The following PLD1 variants were observed in gnomAD, a reference collection of about 807,000 sequenced individuals.
PLD1 encodes choline phosphatase 1.
Under a neutral mutation model 137.1 loss-of-function variants are expected in PLD1, and 112 were observed. The observed-to-expected ratio is 0.82, with a 90% confidence interval of 0.70 to 0.96. The LOEUF (loss-of-function observed/expected upper bound fraction) is 0.96. Among genes scored for constraint, PLD1 ranks in the 40% least tolerant of loss-of-function variants. The probability of loss-of-function intolerance (pLI) is 0.00; values close to 1 mark genes in which losing one functional copy is unlikely to be tolerated. For synonymous variants in PLD1, 431 were observed against 454.7 expected (o/e 0.95, Z 0.66); for missense variants, 1,321 against 1,342.0 (o/e 0.98, Z 0.24).
chr3:171,604,697 G>A (rs1732071856), intron 26 of PLD1, among the ~76,000 whole-genome samples: 1 of 152,106 alleles, frequency 6.6e-6, no homozygotes, highest in Admixed American at 6.6e-5. Flanking sequence ...AAATGGAGCC[G>A]GTTTTAAAAC....
At chr3:171,735,272 C>T (rs1050051656) in intron 4 of PLD1, among the ~76,000 whole-genome samples, 5 of 152,146 alleles carry the variant, frequency 3.3e-5, no homozygotes, top group African/African-American at 1.2e-4. Flanking sequence ...GAACTACTAA[C>T]TATCACCACG....
In PLD1 at chr3:171,688,842, ACGGT is replaced by A; in HGVS notation, c.1369_1372del (p.Thr457SerfsTer43). 1 of 1,613,994 alleles carries A rather than the reference ACGGT, an allele frequency of 6.2e-7. No individual in the cohort carries two copies. The highest frequency in any genetic ancestry group is 1.1e-5 in the South Asian group (1 of 91,070). On this transcript the variant is annotated frameshift_variant, in exon 14 of 27. Coordinates refer to ENST00000351298, the MANE Select transcript of PLD1 (RefSeq NM_002662.5). LOFTEE classifies it high-confidence loss of function. ...CTTCTCATGGTGAGCCCACAAATAG[ACGGT>A]GGATGACACATGATCCGGGTGTCTC... is the stretch of plus-strand genomic sequence containing the variant.
At chr3:171,711,816 C>CT (rs1443965760) in intron 9 of PLD1, among the ~76,000 whole-genome samples, 1 of 68,642 alleles carries the variant, frequency 1.5e-5, no homozygotes, top group East Asian at 3.6e-4. Context: ...GTTATAAATG[C>CT]TAAAAAAAAA....
intron 23 of PLD1, among the ~76,000 whole-genome samples, chr3:171,629,598 C>T (rs200899476): frequency 0.23 from 34,885 of 151,460 alleles, 4,037 homozygotes; most frequent in Admixed American, 0.29. Flanking sequence ...CATCATGCTA[C>T]CTGACTTCAA....
chr3:171,644,950 C>G lies in PLD1; in HGVS notation c.2503G>C (p.Gly835Arg). ...ATGATTGCCTGTAGAGCATTTCCTC[C>G]GCCGGTTGAAATGTCTCCTTCGAAC... ...PGFEGDISTG[G>R]GNALQAIMHF... Residue 835 changes from glycine (G) to arginine (R), a missense_variant, in exon 22 of 27, where the codon GGA (glycine) becomes CGA (arginine). By Grantham distance (125) the Gly-to-Arg change is moderately radical. Transcript: ENST00000351298. 1.2e-6 allele frequency: 2 copies of G among 1,613,810 alleles called. No homozygotes were observed. The highest frequency in any genetic ancestry group is 1.7e-6 in the Non-Finnish European group (2 of 1,179,738).
chr3:171,672,268 C>T (rs1712845883), intron 19 of PLD1, among the ~76,000 whole-genome samples: 1 of 152,224 alleles, frequency 6.6e-6, no homozygotes, highest in African/African-American at 2.4e-5. Flanking sequence ...AACTCCTTTG[C>T]TGTCTGCCCT....
chr3:171,692,221 C>A, intron 13 of PLD1, 111 bp downstream of exon 13: 1 of 594,582 alleles, frequency 1.7e-6, no homozygotes, highest in Non-Finnish European at 3.0e-6. Context: ...GCTATTTGAT[C>A]AAATATACAT....
At chr3:171,662,221 C>T (rs978288127) in intron 19 of PLD1, 51 bp from the exon 20 acceptor site, 5 of 995,642 alleles carry the variant, frequency 5.0e-6, no homozygotes, top group Non-Finnish European at 8.0e-6. Context: ...GAGAGGACAT[C>T]AGATATATTA....
intron 21 of PLD1, among the ~76,000 whole-genome samples, chr3:171,646,207 CTG>C (rs1475330618): frequency 6.6e-6 from 1 of 152,200 alleles, no homozygotes; most frequent in Non-Finnish European, 1.5e-5. Flanking sequence ...GTGACATACA[CTG>C]TGATCAATGA....
chr3:171,740,966 C>G (rs1050650424), intron 1 of PLD1, among the ~76,000 whole-genome samples: 1 of 152,140 alleles, frequency 6.6e-6, no homozygotes, highest in Non-Finnish European at 1.5e-5. Flanking sequence ...GTTACAGAGG[C>G]CCATAATTAC....
chr3:171,737,447 G>C, intron 3 of PLD1, 85 bp downstream of exon 3: 1 of 1,178,566 alleles, frequency 8.5e-7, no homozygotes, highest in Non-Finnish European at 1.2e-6. Context: ...CATGATCATA[G>C]CTAAGAGGGA....
intron 1 of PLD1, chr3:171,793,426 T>G (rs1723300370): frequency 6.6e-6 from 1 of 152,244 alleles, no homozygotes; most frequent in South Asian, 2.1e-4. Flanking sequence ...TTTATTACTT[T>G]TCTATATTTT....
intron 23 of PLD1, 25 bp from the exon 24 acceptor site, chr3:171,620,545 A>C (rs1264912845): frequency 2.1e-6 from 3 of 1,420,450 alleles, no homozygotes; most frequent in Non-Finnish European, 2.0e-6. Flanking sequence ...AGAAATTATT[A>C]AAATTAATAT....
intron 24 of PLD1, among the ~76,000 whole-genome samples, chr3:171,616,519 C>T (rs1389905049): frequency 6.6e-6 from 1 of 152,092 alleles, no homozygotes; most frequent in Non-Finnish European, 1.5e-5. Flanking sequence ...AGTGAGTAGC[C>T]TGGATTATAC....
chr3:171,624,387 G>C (rs1056268481), intron 23 of PLD1, among the ~76,000 whole-genome samples: 1 of 152,098 alleles, frequency 6.6e-6, no homozygotes, highest in African/African-American at 2.4e-5. Context: ...TAGTGAGAAT[G>C]GGTTGAAGAC....
chr3:171,624,059 T>A (rs1287906307), intron 23 of PLD1, among the ~76,000 whole-genome samples: 3 of 146,378 alleles, frequency 2.0e-5, no homozygotes, highest in South Asian at 4.3e-4. Flanking sequence ...CACGTTTGCA[T>A]GACACAAAAC....
At chr3:171,685,381 C>T (rs1351479714) in intron 16 of PLD1, among the ~76,000 whole-genome samples, 1 of 152,148 alleles carries the variant, frequency 6.6e-6, no homozygotes, top group Non-Finnish European at 1.5e-5. Context: ...GACATGAGAG[C>T]CCTGGCCTTA....
At chr3:171,764,875 GAAAGAAAGAAAGA>G (rs1721749814) in intron 1 of PLD1, among the ~76,000 whole-genome samples, 6 of 30,250 alleles carry the variant, frequency 2.0e-4, no homozygotes, top group East Asian at 9.0e-4. Context: ...AAGAAAGAAA[GAAAGAAAGAAAGA>G]AAGAAAGGAA....
intron 1 of PLD1, among the ~76,000 whole-genome samples, chr3:171,758,137 A>C (rs6778547): frequency 4.6e-5 from 7 of 152,236 alleles, no homozygotes; most frequent in African/African-American, 1.7e-4. Context: ...CTAATAGCTA[A>C]TAGTTAGCAA....
Sources: gnomAD v4.1 joint callset for allele counts (sites outside exome capture counted in the v4.1 genomes callset) on GRCh38, gnomAD v4.1.1 for gene constraint, MANE v1.5 for transcripts, NCBI Gene and HGNC (gene_info 2026-07-23, HGNC 2026-07-21) for gene names.